Variants in SUPT3H observed in about 807,000 individuals in gnomAD.
SUPT3H encodes SPT3 homolog, SAGA and STAGA complex component.
In SUPT3H, 44 loss-of-function variants were observed where a neutral mutation model predicts 44.3. That is an observed-to-expected ratio of 0.99 (90% confidence interval 0.78 to 1.28). The LOEUF is 1.28. Ranked by LOEUF, SUPT3H falls within the 50% of genes most tolerant of loss-of-function variation. The pLI is 0.00. For synonymous variants in SUPT3H, 124 were observed against 125.6 expected (o/e 0.99, Z 0.09); for missense variants, 380 against 387.1 (o/e 0.98, Z 0.15).
chr6:45,070,739 C>CAAAAAAAA (rs11393241), intron 3 of SUPT3H, among the ~76,000 whole-genome samples: 160 of 101,350 alleles, frequency 1.6e-3, no homozygotes, highest in Middle Eastern at 8.1e-3. Context: ...CTGTCTCAAA[C>CAAAAAAAA]AAAAAAAAAA....
intron 10 of SUPT3H, among the ~76,000 whole-genome samples, chr6:44,882,378 T>C (rs1262266486): frequency 2.6e-5 from 4 of 152,160 alleles, no homozygotes; most frequent in South Asian, 2.1e-4. Context: ...AGTTCTGAAA[T>C]TGAGGCAGTA....
At chr6:45,349,976 T>C (rs1357186513) in intron 2 of SUPT3H, among the ~76,000 whole-genome samples, 1 of 152,188 alleles carries the variant, frequency 6.6e-6, no homozygotes, top group African/African-American at 2.4e-5. Context: ...AAAGGTTTTA[T>C]TAGTCACAGG....
At chr6:45,018,884 C>T (rs1366013217) in intron 4 of SUPT3H, among the ~76,000 whole-genome samples, 2 of 151,958 alleles carry the variant, frequency 1.3e-5, no homozygotes, top group Non-Finnish European at 2.9e-5. Flanking sequence ...GGAGGATTCC[C>T]TCTTTTTCTA....
intron 2 of SUPT3H, among the ~76,000 whole-genome samples, chr6:45,127,837 G>C (rs1562512137): frequency 6.6e-6 from 1 of 151,956 alleles, no homozygotes; most frequent in Non-Finnish European, 1.5e-5. Flanking sequence ...TAAGCATTTA[G>C]AGCTATAAAT....
In SUPT3H at chr6:45,136,143, A is replaced by C. The variant is rs755060487; in HGVS notation, c.102-30137T>G. ...ACACAGATCCATAAGCAGAAAGAAG[A>C]AGCATTGATTCAAACTATTTGAGCA... On this transcript the variant is annotated intron_variant, in intron 2 of 10. Transcript: ENST00000371459. 1.4e-4 allele frequency among the ~76,000 whole-genome samples: 21 copies of C among 152,354 alleles called. No homozygotes were observed. The East Asian group carries it at 2.1e-3, about 15-fold the overall frequency.
chr6:45,337,209 A>G (rs979099872), intron 2 of SUPT3H, among the ~76,000 whole-genome samples: 3 of 151,730 alleles, frequency 2.0e-5, no homozygotes, highest in African/African-American at 7.2e-5. Flanking sequence ...TAAACTGGCA[A>G]GACTAAAAAG....
At chr6:45,182,215 G>A (rs947035122) in intron 2 of SUPT3H, among the ~76,000 whole-genome samples, 3 of 152,074 alleles carry the variant, frequency 2.0e-5, no homozygotes, top group African/African-American at 7.2e-5. Context: ...GTCCCATAGA[G>A]CTTATAGAGA....
intron 11 of SUPT3H, among the ~76,000 whole-genome samples, chr6:44,820,883 C>T (rs1482321582): frequency 6.6e-6 from 1 of 152,156 alleles, no homozygotes; most frequent in African/African-American, 2.4e-5. Flanking sequence ...CAGGGTCTGG[C>T]TGTGTTGCCC....
intron 10 of SUPT3H, among the ~76,000 whole-genome samples, chr6:44,900,236 C>T (rs1267612556): frequency 2.6e-5 from 4 of 152,200 alleles, no homozygotes; most frequent in East Asian, 1.9e-4. Flanking sequence ...TTGCCTCACC[C>T]GGGAAGCACA....
At chr6:45,272,530 G>T (rs9395088) in intron 2 of SUPT3H, among the ~76,000 whole-genome samples, 2,197 of 152,086 alleles carry the variant, frequency 0.014, 24 homozygotes, top group South Asian at 0.025. Context: ...GTCCAGTCTC[G>T]GATATATCTT....
At chr6:45,370,955 C>A (rs1382614366) in intron 1 of SUPT3H, among the ~76,000 whole-genome samples, 2 of 152,146 alleles carry the variant, frequency 1.3e-5, no homozygotes, top group Non-Finnish European at 2.9e-5. Flanking sequence ...CCCTAAGGTG[C>A]ACTGCAAATG....
At chr6:45,252,230 T>C (rs1772504438) in intron 2 of SUPT3H, among the ~76,000 whole-genome samples, 1 of 152,184 alleles carries the variant, frequency 6.6e-6, no homozygotes, top group Non-Finnish European at 1.5e-5. Context: ...CTGAAAATGG[T>C]TAAGCAGTTT....
intron 2 of SUPT3H, among the ~76,000 whole-genome samples, chr6:45,231,260 A>G (rs1767993726): frequency 6.6e-6 from 1 of 152,112 alleles, no homozygotes; most frequent in African/African-American, 2.4e-5. Flanking sequence ...ACTCCCTTGA[A>G]TATTTCTTGT....
chr6:44,931,632 T>G (rs897304104), intron 10 of SUPT3H, among the ~76,000 whole-genome samples: 17 of 152,126 alleles, frequency 1.1e-4, no homozygotes, highest in Admixed American at 9.2e-4. Context: ...ATATTAAAAG[T>G]GCAAAGTTTC....
chr6:44,859,131 T>C (rs1215901313), intron 10 of SUPT3H, among the ~76,000 whole-genome samples: 1 of 152,204 alleles, frequency 6.6e-6, no homozygotes, highest in African/African-American at 2.4e-5. Flanking sequence ...TCAACACAAC[T>C]GACAGTCTGT....
intron 2 of SUPT3H, among the ~76,000 whole-genome samples, chr6:45,168,861 C>T (rs1810339889): frequency 6.6e-6 from 1 of 152,130 alleles, no homozygotes; most frequent in South Asian, 2.1e-4. Context: ...GCCTTCAATG[C>T]CATTCAATGT....
chr6:45,184,338 T>C (rs908336430), intron 2 of SUPT3H, among the ~76,000 whole-genome samples: 4 of 152,200 alleles, frequency 2.6e-5, no homozygotes, highest in African/African-American at 7.2e-5. Flanking sequence ...CTCCTTTTTT[T>C]ATAGGAAAAT....
At chr6:45,084,117 C>T (rs1010305599) in intron 3 of SUPT3H, among the ~76,000 whole-genome samples, 5 of 151,924 alleles carry the variant, frequency 3.3e-5, no homozygotes, top group East Asian at 1.9e-4. Context: ...CAAAAGCAAG[C>T]GCAACACAAA....
intron 2 of SUPT3H, among the ~76,000 whole-genome samples, chr6:45,210,670 T>G (rs1219885792): frequency 6.6e-6 from 1 of 152,216 alleles, no homozygotes; most frequent in Non-Finnish European, 1.5e-5. Context: ...GTCTCATGGG[T>G]GCATCCTTAA....
Sources: gnomAD v4.1 joint callset for allele counts (sites outside exome capture counted in the v4.1 genomes callset) on GRCh38, gnomAD v4.1.1 for gene constraint, MANE v1.5 for transcripts, NCBI Gene and HGNC (gene_info 2026-07-23, HGNC 2026-07-21) for gene names.